The following ACOXL variants were observed in gnomAD, a reference collection of about 807,000 sequenced individuals.
ACOXL encodes the protein acyl-CoA oxidase like, also known as acyl-coenzyme A oxidase-like protein.
In ACOXL, 70 loss-of-function variants were observed where a neutral mutation model predicts 71.9. The observed-to-expected ratio is 0.97, with a 90% CI of 0.80 to 1.19. ACOXL has a LOEUF of 1.19. Among genes scored for constraint, ACOXL ranks in the 50% most tolerant of loss-of-function variants. The pLI is 0.00. For missense variants in ACOXL, 703 were observed against 736.3 expected, an observed-to-expected ratio of 0.95 and a Z score of 0.52; for synonymous variants, 253 against 281.6, an observed-to-expected ratio of 0.90 and a Z score of 1.02.
intron 11 of ACOXL, 104 bp downstream of exon 11, chr2:110,909,009 C>A: frequency 1.2e-6 from 1 of 849,358 alleles, no homozygotes; most frequent in Non-Finnish European, 1.8e-6. Context: ...TAACTGTGAT[C>A]AGGAAAGAGT....
intron 9 of ACOXL, among the ~76,000 whole-genome samples, chr2:110,822,538 A>G (rs925456398): frequency 2.0e-5 from 3 of 152,234 alleles, no homozygotes; most frequent in African/African-American, 7.2e-5. Context: ...ATTCGGCTCC[A>G]GAGTTACTTA....
At chr2:111,028,776 T>C (rs2065130011) in intron 14 of ACOXL, among the ~76,000 whole-genome samples, 1 of 152,242 alleles carries the variant, frequency 6.6e-6, no homozygotes, top group African/African-American at 2.4e-5. Context: ...TGATGCTTTA[T>C]CAGGAAATAG....
At chr2:110,793,978 T>A in intron 4 of ACOXL, 98 bp from the exon 5 acceptor site, 3 of 1,252,698 alleles carry the variant, frequency 2.4e-6, no homozygotes, top group Non-Finnish European at 3.5e-6. Context: ...CCAACCCACC[T>A]GTCCCTCTCT....
At chr2:110,863,038 A>T (rs1308936251) in intron 10 of ACOXL, among the ~76,000 whole-genome samples, 2 of 152,170 alleles carry the variant, frequency 1.3e-5, no homozygotes, top group African/African-American at 2.4e-5. Flanking sequence ...CAAATTTCTG[A>T]TTTGCTCTAA....
In ACOXL at chr2:111,118,192, G is replaced by A; in HGVS notation, c.*376G>A. ...GTTAGCGGTGACTCACATTCCCAGT[G>A]ATTTAGAAAAACTGTGGTGCCGAGT... On this transcript the variant is annotated 3_prime_UTR_variant, in exon 18 of 18. Coordinates refer to ENST00000439055, the MANE Select transcript of ACOXL (RefSeq NM_001142807.4). 1 of 292,124 alleles carries A rather than the reference G, an allele frequency of 3.4e-6. No individual in the cohort carries two copies. Among genetic ancestry groups the A allele is most frequent in the Non-Finnish European group, 6.3e-6 (1 of 158,196 alleles). The allele number at this position is 292,124 out of a possible 1,614,324, so 18.1% of individuals were successfully genotyped here.
intron 12 of ACOXL, among the ~76,000 whole-genome samples, chr2:110,945,123 C>G (rs903147440): frequency 6.6e-6 from 1 of 152,156 alleles, no homozygotes; most frequent in African/African-American, 2.4e-5. Flanking sequence ...TTTTCATATG[C>G]TTGCTAGCTG....
intron 14 of ACOXL, among the ~76,000 whole-genome samples, chr2:111,005,246 C>T (rs1227397560): frequency 6.6e-6 from 1 of 152,166 alleles, no homozygotes; most frequent in Non-Finnish European, 1.5e-5. Context: ...GGTTGCCCTC[C>T]ATCACACTGC....
chr2:110,819,342 C>G, intron 9 of ACOXL, among the ~76,000 whole-genome samples: 1 of 151,992 alleles, frequency 6.6e-6, no homozygotes. Flanking sequence ...TTCAGGAGCA[C>G]CTTGGTTAAA....
chr2:110,793,957 T>A (rs889640906), intron 4 of ACOXL, 119 bp from the exon 5 acceptor site: 1 of 1,025,436 alleles, frequency 9.8e-7, no homozygotes, highest in Non-Finnish European at 1.5e-6. Flanking sequence ...ACTGCATTTT[T>A]ATAATTTTCT....
rs116209595 is a variant in ACOXL, at chr2:110,799,566, C to T, written c.547+466C>T. 3.9e-3 allele frequency among the ~76,000 whole-genome samples: 594 copies of T among 152,296 alleles called. 3 individuals carry two copies. The highest frequency in any genetic ancestry group is 0.013 in the African/African-American group (554 of 41,562). ...GGCTTAAACAACAGAAGTGTATTGT[C>T]TCACAGTTCTGGAGGCTGGAAGTCC... On this transcript the variant is annotated intron_variant, in intron 7 of 17. Transcript: ENST00000439055.
At chr2:111,097,508 C>T (rs2068870778) in intron 17 of ACOXL, among the ~76,000 whole-genome samples, 1 of 152,216 alleles carries the variant, frequency 6.6e-6, no homozygotes, top group Non-Finnish European at 1.5e-5. Flanking sequence ...CTAGCACCGT[C>T]CTCCAATAAA....
chr2:110,847,385 G>A (rs1284539033), intron 10 of ACOXL, among the ~76,000 whole-genome samples: 3 of 152,148 alleles, frequency 2.0e-5, no homozygotes, highest in Admixed American at 1.3e-4. Flanking sequence ...GAACTAATGC[G>A]TGGAATCTGT....
intron 3 of ACOXL, among the ~76,000 whole-genome samples, chr2:110,793,142 G>T (rs1157340922): frequency 6.6e-6 from 1 of 152,194 alleles, no homozygotes; most frequent in African/African-American, 2.4e-5. Context: ...TCCTGCAGCC[G>T]GTGGGTAGCT....
At chr2:110,882,410 T>G (rs929322674) in intron 10 of ACOXL, among the ~76,000 whole-genome samples, 8 of 152,222 alleles carry the variant, frequency 5.3e-5, no homozygotes, top group Non-Finnish European at 1.0e-4. Context: ...TCTGCCAGCA[T>G]GTGGCTTGTC....
At chr2:110,960,382 C>T (rs573037004) in intron 12 of ACOXL, among the ~76,000 whole-genome samples, 2 of 152,338 alleles carry the variant, frequency 1.3e-5, no homozygotes, top group East Asian at 3.9e-4. Flanking sequence ...TCTGGGCACA[C>T]GCCGTGGTGC....
intron 13 of ACOXL, among the ~76,000 whole-genome samples, chr2:110,990,233 G>T (rs2063117271): frequency 6.6e-6 from 1 of 152,072 alleles, no homozygotes. Context: ...GTCCTTCAGG[G>T]TTGTATAATT....
At chr2:111,087,496 GCACACC>G in intron 16 of ACOXL, among the ~76,000 whole-genome samples, 2 of 152,008 alleles carry the variant, frequency 1.3e-5, no homozygotes, top group African/African-American at 4.8e-5. Context: ...AAATAATGCT[GCACACC>G]TACAATGCAG....
chr2:110,888,013 C>T (rs976017781), intron 10 of ACOXL: 2 of 152,130 alleles, frequency 1.3e-5, no homozygotes, highest in African/African-American at 4.8e-5. Context: ...AAGTGATTCC[C>T]AAAAGACTTT....
intron 17 of ACOXL, 43 bp from the exon 18 acceptor site, chr2:111,117,573 G>A (rs771114983): frequency 1.2e-4 from 182 of 1,546,688 alleles, no homozygotes; most frequent in Non-Finnish European, 1.5e-4. Context: ...ATGGCTGTAA[G>A]TGTGCCAACA....
Sources: gnomAD v4.1 joint callset for allele counts (sites outside exome capture counted in the v4.1 genomes callset) on GRCh38, gnomAD v4.1.1 for gene constraint, MANE v1.5 for transcripts, NCBI Gene and HGNC (gene_info 2026-07-23, HGNC 2026-07-21) for gene names.